PKD1L3: variants seen among roughly 807,000 people sequenced by gnomAD.
PKD1L3 encodes the protein polycystin-1-like protein 3.
Under a neutral mutation model 184.1 loss-of-function variants are expected in PKD1L3, and 239 were observed. The ratio of observed to expected loss-of-function variants is 1.30; its 90% CI spans 1.17 to 1.45. PKD1L3 has a LOEUF of 1.45. Among genes scored for constraint, PKD1L3 ranks in the 40% most tolerant of loss-of-function variants. PKD1L3 has a pLI of 0.00. For synonymous variants in PKD1L3, 996 were observed against 778.8 expected (o/e 1.28, Z -4.64); for missense variants, 2,660 against 2,067.2 (o/e 1.29, Z -5.56).
At chr16:71,957,758 T>C (rs1597319396) in intron 16 of PKD1L3, among the ~76,000 whole-genome samples, 1 of 152,270 alleles carries the variant, frequency 6.6e-6, no homozygotes, top group East Asian at 1.9e-4. Context: ...GCCACTGGAC[T>C]AAAAAGATGG....
chr16:71,950,524 AC>A (rs1320178885), intron 19 of PKD1L3, among the ~76,000 whole-genome samples: 1 of 152,130 alleles, frequency 6.6e-6, no homozygotes. Flanking sequence ...TGATCTAAAG[AC>A]TTTTAAAACC....
chr16:71,986,672 GTATT>G (rs1039496114), intron 4 of PKD1L3, among the ~76,000 whole-genome samples: 6 of 152,044 alleles, frequency 3.9e-5, no homozygotes, highest in African/African-American at 1.4e-4. Flanking sequence ...TTATATTAGT[GTATT>G]TATTGTCAAT....
rs772995457 is a variant in PKD1L3 at position 71,964,309 on chromosome 16, C to CTTTTTTTTT, written c.2466-967_2466-959dup. 7.1e-5 allele frequency among the ~76,000 whole-genome samples: 4 copies of CTTTTTTTTT among 56,658 alleles called. 1 individual carries two copies. Among genetic ancestry groups the CTTTTTTTTT allele is most frequent in the Non-Finnish European group, 9.6e-5 (3 of 31,098 alleles). 37.2% of individuals were successfully genotyped at this position (56,658 alleles called of 152,430 possible). A position where few individuals can be genotyped will look rare whatever the true frequency, so the allele number is the denominator to read the frequency against. On this transcript the variant is annotated intron_variant, in intron 15 of 29. Coordinates refer to ENST00000620267, the MANE Select transcript of PKD1L3 (RefSeq NM_181536.2). Reference sequence around the variant, plus strand: ...CCACTTAAATTTCTCTCGTCAAAATCTTTTTTTTTTTTTTTTTTTTTTTTT... The same window carrying CTTTTTTTTT: ...CCACTTAAATTTCTCTCGTCAAAATCTTTTTTTTTTTTTTTTTTTTTTTTTTTTTTTTTT...
At chr16:71,974,375 T>C (rs1240033069) in intron 11 of PKD1L3, among the ~76,000 whole-genome samples, 1 of 152,108 alleles carries the variant, frequency 6.6e-6, no homozygotes, top group Non-Finnish European at 1.5e-5. Context: ...ATTGCCAAGA[T>C]CACCAAGAAA....
In PKD1L3 at chr16:71,991,353, A is replaced by G. The variant is rs1597376334; in HGVS notation, c.536-1024T>C. ...ACCCACCATGATGATGGAGAAAGGT[A>G]GAGGTAACCAAACAAAATCCTAAGG... On this transcript the variant is annotated intron_variant, in intron 3 of 29. Coordinates refer to ENST00000620267, the MANE Select transcript of PKD1L3 (RefSeq NM_181536.2). 5 of 200,424 alleles carry G rather than the reference A, an allele frequency of 2.5e-5. No individual in the cohort carries two copies. The South Asian group carries it at 5.6e-4, about 22-fold the overall frequency. 12.4% of individuals were successfully genotyped at this position (200,424 alleles called of 1,614,324 possible).
chr16:71,946,830 A>G (rs1416998073), intron 22 of PKD1L3, among the ~76,000 whole-genome samples: 3 of 14 alleles, frequency 0.21, no homozygotes, highest in East Asian at 0.5. Context: ...GAGGAGGGAG[A>G]AGGGGATGAG....
At chr16:71,974,015 AATAT>A (rs140601381) in intron 11 of PKD1L3, among the ~76,000 whole-genome samples, 24 of 15,134 alleles carry the variant, frequency 1.6e-3, no homozygotes, top group African/African-American at 3.8e-3. Context: ...AAAAAAAAAA[AATAT>A]ATATATTCTT....
chr16:71,995,199 T>A (rs994041129), intron 2 of PKD1L3, among the ~76,000 whole-genome samples: 1 of 152,056 alleles, frequency 6.6e-6, no homozygotes, highest in Admixed American at 6.6e-5. Context: ...AGAGAAGCCC[T>A]CCCTCTGCCA....
chr16:71,999,407 AG>A (rs2040896219), intron 1 of PKD1L3, among the ~76,000 whole-genome samples: 1 of 152,242 alleles, frequency 6.6e-6, no homozygotes, highest in Non-Finnish European at 1.5e-5. Flanking sequence ...TGACCATCAA[AG>A]TTTCTGTCTT....
At chr16:71,989,947 G>T (rs1038109723) in intron 4 of PKD1L3, among the ~76,000 whole-genome samples, 1 of 151,804 alleles carries the variant, frequency 6.6e-6, no homozygotes. Flanking sequence ...TGGTGGCGCA[G>T]GCCTGTAATC....
At chr16:71,948,519 C>A (rs770601600) in intron 21 of PKD1L3, among the ~76,000 whole-genome samples, 27 of 152,128 alleles carry the variant, frequency 1.8e-4, no homozygotes, top group Non-Finnish European at 2.4e-4. Flanking sequence ...CTGCGCCCAG[C>A]CACTATGGAT....
intron 3 of PKD1L3, among the ~76,000 whole-genome samples, chr16:71,990,714 A>G (rs1212212596): frequency 1.3e-5 from 2 of 152,124 alleles, no homozygotes; most frequent in Non-Finnish European, 2.9e-5. Context: ...AGCCTGGGCA[A>G]CAGAGCTAGA....
At chr16:71,982,836 C>A (rs1241077335) in intron 6 of PKD1L3, among the ~76,000 whole-genome samples, 1 of 151,150 alleles carries the variant, frequency 6.6e-6, no homozygotes, top group African/African-American at 2.4e-5. Flanking sequence ...CCAAGAGATC[C>A]TCCTGTCTTG....
chr16:71,937,271 C>T, intron 25 of PKD1L3, 21 bp downstream of exon 25: 3 of 1,547,224 alleles, frequency 1.9e-6, no homozygotes, highest in Non-Finnish European at 2.6e-6. Context: ...CCCAGGCTGA[C>T]ATCTAACATT....
At chr16:71,961,567 A>G (rs2039280388) in intron 16 of PKD1L3, among the ~76,000 whole-genome samples, 1 of 44,354 alleles carries the variant, frequency 2.3e-5, no homozygotes, top group African/African-American at 6.0e-5. Context: ...GAAGCCATAC[A>G]TAGGTGCTTT....
rs375294633 is a variant in PKD1L3, at chr16:71,969,999, G to C, written c.2060C>G (p.Thr687Arg). Residue 687 changes from threonine to arginine, a missense_variant, in exon 13 of 30, where the codon ACG becomes AGG. Physicochemically the swap from Thr to Arg is moderately conservative, Grantham distance 71. Coordinates refer to ENST00000620267, the MANE Select transcript of PKD1L3 (RefSeq NM_181536.2). ...GGTCACGCGAAGGAACAGTTTGATC[G>C]TGTCTTCAACATTCACGGTCCTGGG... ...VVPRTVNVEDTIKLFLRVTNN... is the reference protein window; with the variant it reads ...VVPRTVNVEDRIKLFLRVTNN... The C allele has an allele frequency of 6.4e-7, 1 of 1,551,684 alleles. No homozygotes were observed. Among genetic ancestry groups the C allele is most frequent in the Non-Finnish European group, 8.7e-7 (1 of 1,146,994 alleles).
At chr16:71,976,724 G>C (rs1455139223) in intron 11 of PKD1L3, among the ~76,000 whole-genome samples, 1 of 152,202 alleles carries the variant, frequency 6.6e-6, no homozygotes, top group Admixed American at 6.5e-5. Context: ...TTCAAGACCA[G>C]CCTGGGCAAC....
intron 12 of PKD1L3, among the ~76,000 whole-genome samples, chr16:71,970,583 G>C (rs2039673594): frequency 6.6e-6 from 1 of 152,146 alleles, no homozygotes; most frequent in South Asian, 2.1e-4. Flanking sequence ...TGAGGCAGGT[G>C]GATCACCTGA....
intron 29 of PKD1L3, 137 bp downstream of exon 29, chr16:71,929,915 G>C (rs1438319442): frequency 3.4e-6 from 4 of 1,161,358 alleles, no homozygotes; most frequent in Non-Finnish European, 4.7e-6. Flanking sequence ...GAAGATAGCT[G>C]GCAGAGCTTT....
Sources: gnomAD v4.1 joint callset for allele counts (sites outside exome capture counted in the v4.1 genomes callset) on GRCh38, gnomAD v4.1.1 for gene constraint, MANE v1.5 for transcripts, NCBI Gene and HGNC (gene_info 2026-07-23, HGNC 2026-07-21) for gene names.